The following UTP20 variants were observed in gnomAD, a reference collection of about 807,000 sequenced individuals.
UTP20 encodes small subunit processome component 20 homolog.
A neutral mutation model predicts 329.5 loss-of-function variants in UTP20; 164 were observed. The ratio of observed to expected loss-of-function variants is 0.50; its 90% confidence interval spans 0.44 to 0.57. UTP20 has a LOEUF of 0.57. UTP20 is among the 20% of genes least tolerant of loss of function. The pLI is 0.00. For synonymous variants in UTP20, 1,151 were observed against 1,159.3 expected, an observed-to-expected ratio of 0.99 and a Z score of 0.14; for missense variants, 3,055 against 3,284.2, an observed-to-expected ratio of 0.93 and a Z score of 1.71.
chr12:101,317,781 T>A, intron 22 of UTP20, 118 bp downstream of exon 22: 3 of 1,134,246 alleles, frequency 2.6e-6, no homozygotes, highest in Non-Finnish European at 3.6e-6. Context: ...AAGCGCTACA[T>A]CTTCCTGGGA....
chr12:101,372,261 A>G (rs1197010034), intron 51 of UTP20, among the ~76,000 whole-genome samples: 1 of 152,226 alleles, frequency 6.6e-6, no homozygotes, highest in Non-Finnish European at 1.5e-5. Context: ...GCTAGATACC[A>G]TAGTGGTTTG....
rs766147135 is a variant in UTP20 at position 101,317,569 on chromosome 12, G to A, written c.2644G>A (p.Glu882Lys). 2.5e-5 allele frequency: 40 copies of A among 1,614,050 alleles called. No homozygotes were observed. Among genetic ancestry groups the A allele is most frequent in the Non-Finnish European group, 3.4e-5 (40 of 1,180,024 alleles). The part of the protein sequence containing the change: ...KGMVAEEIEE[E>K]PAAGDDEELE... ...GATGGTGGCAGAGGAAATCGAAGAG[G>A]AACCTGCCGCAGGAGATGATGAAGA... Residue 882 changes from glutamate (E) to lysine (K), a missense_variant, in exon 22 of 62, where the codon GAA (glutamate) becomes AAA (lysine). Physicochemically the swap from Glu to Lys is moderately conservative, Grantham distance 56. This residue lies in a region of UTP20 where 2,445 missense variants were observed against 2,575.5 expected (regional missense o/e 0.95). Coordinates refer to ENST00000261637, the MANE Select transcript of UTP20 (RefSeq NM_014503.3).
chr12:101,296,740 T>C (rs1872369871), intron 12 of UTP20, among the ~76,000 whole-genome samples: 1 of 151,936 alleles, frequency 6.6e-6, no homozygotes, highest in Admixed American at 6.6e-5. Flanking sequence ...AGAGCAAGAC[T>C]CTATCTCAAA....
At chr12:101,338,311 C>T in intron 30 of UTP20, 34 bp downstream of exon 30, 2 of 1,593,532 alleles carry the variant, frequency 1.3e-6, no homozygotes, top group Non-Finnish European at 1.7e-6. Context: ...AATTCTTAGA[C>T]TTCTGCTGTA....
At chr12:101,375,059 T>A in intron 55 of UTP20, 120 bp downstream of exon 55, 3 of 661,690 alleles carry the variant, frequency 4.5e-6, no homozygotes, top group Non-Finnish European at 7.4e-6. Flanking sequence ...TATAGCTATT[T>A]ATAGCTAATC....
At chr12:101,292,203 C>A in intron 10 of UTP20, 99 bp downstream of exon 10, 1 of 1,304,002 alleles carries the variant, frequency 7.7e-7, no homozygotes, top group East Asian at 2.5e-5. Context: ...AAGGCTCTGC[C>A]CTCAAGGAAT....
chr12:101,286,395 C>T lies in UTP20; in HGVS notation c.401C>T (p.Thr134Ile). 1 of 1,613,722 alleles carries T rather than the reference C, an allele frequency of 6.2e-7. No homozygotes were observed. Residue 134 changes from threonine (T) to isoleucine (I), a missense_variant, in exon 5 of 62, where the codon ACC (threonine) becomes ATC (isoleucine). Transcript: ENST00000261637. ...PHFPEFFLTI[T>I]SILETQDTEL... ...TTTCCAGAGTTTTTTTTGACTATCA[C>T]CTCGATCCTGGAGACTCAGGACACA... is the stretch of plus-strand genomic sequence containing the variant.
At chr12:101,343,779 T>C (rs888113009) in intron 35 of UTP20, among the ~76,000 whole-genome samples, 2 of 152,246 alleles carry the variant, frequency 1.3e-5, no homozygotes, top group African/African-American at 4.8e-5. Context: ...CCCAAAGTGC[T>C]GGGATTATAG....
intron 43 of UTP20, among the ~76,000 whole-genome samples, chr12:101,358,003 G>T (rs1869782003): frequency 6.6e-6 from 1 of 152,200 alleles, no homozygotes; most frequent in African/African-American, 2.4e-5. Context: ...CATATTACTT[G>T]TTGGGGTGGG....
chr12:101,332,384 A>G (rs1868788824), intron 27 of UTP20, among the ~76,000 whole-genome samples: 1 of 152,150 alleles, frequency 6.6e-6, no homozygotes, highest in Admixed American at 6.5e-5. Flanking sequence ...TCTCTCACAT[A>G]CATTCAATAA....
At position 101,293,254 on chromosome 12, in the gene UTP20, G is replaced by A; in HGVS notation, c.1251+9G>A. The A allele has an allele frequency of 1.2e-6, 2 of 1,612,374 alleles. No homozygotes were observed. The highest frequency in any genetic ancestry group is 1.3e-5 in the African/African-American group (1 of 75,034). The stretch of plus-strand genomic sequence containing the variant: ...TGAAGCAGTTTGAGCAGGTAAGCAA[G>A]TTACTAAGTTCGGAGTATTTTTAAA... On this transcript the variant is annotated intron_variant, in intron 11 of 61. Transcript: ENST00000261637.
chr12:101,290,338 T>C lies in UTP20; in HGVS notation c.735+64T>C, dbSNP rs1246489852. 21 of 1,514,388 alleles carry C rather than the reference T, an allele frequency of 1.4e-5. 1 individual carries two copies. Among genetic ancestry groups the C allele is most frequent in the South Asian group, 1.3e-4 (9 of 70,528 alleles). The allele number at this position is 1,514,388 out of a possible 1,614,324, so 93.8% of individuals were successfully genotyped here. A position where few individuals can be genotyped will look rare whatever the true frequency, so the allele number is the denominator to read the frequency against. On this transcript the variant is annotated intron_variant, in intron 7 of 61. Transcript: ENST00000261637. The stretch of plus-strand genomic sequence containing the variant: ...GGATGAAACAGAAAGTAGAAAAGAA[T>C]GAGGCAAATGATGTGGAGGGAAGAC...
At chr12:101,304,305 C>G (rs1366511529) in intron 15 of UTP20, among the ~76,000 whole-genome samples, 1 of 152,098 alleles carries the variant, frequency 6.6e-6, no homozygotes, top group Non-Finnish European at 1.5e-5. Flanking sequence ...TAGTTAACCT[C>G]AACTTGATTA....
chr12:101,362,046 G>C lies in UTP20; in HGVS notation c.5776G>C (p.Asp1926His), dbSNP rs1237482838. 1.2e-6 allele frequency: 2 copies of C among 1,612,730 alleles called. No homozygotes were observed. The highest frequency in any genetic ancestry group is 1.3e-5 in the African/African-American group (1 of 74,812). Residue 1926 changes from aspartate (D) to histidine (H), a missense_variant, in exon 44 of 62, where the codon GAT (aspartate) becomes CAT (histidine). Physicochemically the swap from Asp to His is moderately conservative, Grantham distance 81 (BLOSUM62 -1). This residue lies in a region of UTP20 where 2,445 missense variants were observed against 2,575.5 expected (regional missense o/e 0.95). Coordinates refer to ENST00000261637, the MANE Select transcript of UTP20 (RefSeq NM_014503.3). The stretch of plus-strand genomic sequence containing the variant: ...GGTCGGAGATTTGGACTCTTGTTTA[G>C]ATATAATGATTGAGGTAAGACTTAC... Reference protein sequence around the residue: ...LQVGDLDSCLDIMIEIFNHEL... With the variant: ...LQVGDLDSCLHIMIEIFNHEL...
chr12:101,317,754 C>A, intron 22 of UTP20, 91 bp downstream of exon 22: 4 of 1,303,012 alleles, frequency 3.1e-6, no homozygotes, highest in Non-Finnish European at 4.1e-6. Flanking sequence ...ATCAACTACT[C>A]AGATAATTAT....
intron 57 of UTP20, among the ~76,000 whole-genome samples, chr12:101,379,852 C>T (rs1267542403): frequency 6.6e-6 from 1 of 151,958 alleles, no homozygotes; most frequent in Non-Finnish European, 1.5e-5. Flanking sequence ...TGGAGTCTCA[C>T]TCTGTCACCC....
chr12:101,300,917 T>C (rs1032045740), intron 14 of UTP20, among the ~76,000 whole-genome samples: 5 of 152,176 alleles, frequency 3.3e-5, no homozygotes, highest in Non-Finnish European at 4.4e-5. Flanking sequence ...AATTCTGTTA[T>C]ACAGCACTGA....
rs1331733432 is a variant in UTP20, at chr12:101,344,689, G to A, written c.4544G>A (p.Arg1515Lys). The A allele has an allele frequency of 1.2e-6, 2 of 1,612,156 alleles. No homozygotes were observed. The highest frequency in any genetic ancestry group is 1.7e-6 in the Non-Finnish European group (2 of 1,178,348). Reference protein sequence around the residue: ...AALNVTEKDYREIIHRSLLEK... With the variant: ...AALNVTEKDYKEIIHRSLLEK... ...TTGAATGTCACAGAGAAAGACTATA[G>A]AGAAATCATCCACCGTTCACTCCTG... The change falls in exon 36 of 62, where the codon AGA becomes AAA. Residue 1515 changes from arginine (R) to lysine (K), a missense_variant. Arg to Lys is a conservative substitution (Grantham distance 26). Transcript: ENST00000261637.
chr12:101,370,975 T>C, intron 50 of UTP20, 83 bp from the exon 51 acceptor site: 1 of 1,131,868 alleles, frequency 8.8e-7, no homozygotes, highest in Non-Finnish European at 1.3e-6. Flanking sequence ...AAATGTCCTG[T>C]GGTTGCTTTA....
Sources: allele counts gnomAD v4.1 joint callset (sites outside exome capture counted in the v4.1 genomes callset), GRCh38; gene constraint gnomAD v4.1.1; regional missense constraint gnomAD v4.1.1; transcripts MANE v1.5; gene names NCBI Gene and HGNC (gene_info 2026-07-23, HGNC 2026-07-21).